The following TSNARE1 variants were observed in gnomAD, a reference collection of about 807,000 sequenced individuals.
The protein encoded by TSNARE1 is t-SNARE domain-containing protein 1.
In TSNARE1, 49 loss-of-function variants were observed where a neutral mutation model predicts 62.0. That is an observed-to-expected ratio of 0.79 (90% CI 0.63 to 1.00). TSNARE1 has a LOEUF of 1.00. TSNARE1 is among the 50% of genes least tolerant of loss of function. The pLI is 0.00. For synonymous variants in TSNARE1, 328 were observed against 294.4 expected (o/e 1.11, Z -1.17); for missense variants, 755 against 700.1 (o/e 1.08, Z -0.88).
intron 6 of TSNARE1, among the ~76,000 whole-genome samples, chr8:142,321,773 T>C (rs2131788209): frequency 6.6e-6 from 1 of 152,218 alleles, no homozygotes; most frequent in East Asian, 1.9e-4. Context: ...ATAGAAAACC[T>C]AAATAGCTCT....
At chr8:142,344,528 C>T (rs1833091594) in intron 3 of TSNARE1, 56 bp from the exon 4 acceptor site, 3 of 1,427,898 alleles carry the variant, frequency 2.1e-6, no homozygotes, top group Non-Finnish European at 1.8e-6. Context: ...GAGGCAGCGG[C>T]CCCGGCGGCA....
chr8:142,338,834 G>T (rs898575372), intron 4 of TSNARE1, among the ~76,000 whole-genome samples: 6 of 152,212 alleles, frequency 3.9e-5, no homozygotes, highest in Non-Finnish European at 8.8e-5. Context: ...CATGGTGTGT[G>T]CCCGAGTCCA....
chr8:142,297,743 G>A (rs142834937), intron 10 of TSNARE1, among the ~76,000 whole-genome samples: 274 of 152,366 alleles, frequency 1.8e-3, no homozygotes, highest in African/African-American at 5.8e-3. Context: ...CATGCGTCAC[G>A]CTGGAGTTAC....
chr8:142,340,593 G>C (rs1832446765), intron 4 of TSNARE1, among the ~76,000 whole-genome samples: 1 of 151,852 alleles, frequency 6.6e-6, no homozygotes, highest in African/African-American at 2.4e-5. Flanking sequence ...ACTTTGATGT[G>C]TGACTATTAT....
chr8:142,265,424 C>T (rs981915167), intron 12 of TSNARE1, among the ~76,000 whole-genome samples: 4 of 152,130 alleles, frequency 2.6e-5, no homozygotes, highest in African/African-American at 4.8e-5. Flanking sequence ...CTGGCATTTC[C>T]GAGTGGGCTC....
intron 11 of TSNARE1, among the ~76,000 whole-genome samples, chr8:142,283,883 G>A (rs1300872645): frequency 7.0e-6 from 1 of 142,694 alleles, no homozygotes; most frequent in African/African-American, 2.5e-5. Context: ...CAGGGACAGT[G>A]TCAATGAACA....
chr8:142,271,771 G>A (rs559964639), intron 12 of TSNARE1: 35 of 1,057,818 alleles, frequency 3.3e-5, no homozygotes, highest in Non-Finnish European at 4.1e-5. Context: ...TGCAGGGAGA[G>A]TGCCCATGTG....
At chr8:142,394,270 C>G (rs913641334) in intron 1 of TSNARE1, among the ~76,000 whole-genome samples, 8 of 152,214 alleles carry the variant, frequency 5.3e-5, no homozygotes, top group African/African-American at 1.9e-4. Context: ...ATCGGACCAC[C>G]CTGCCAGACT....
chr8:142,366,288 G>A (rs556660583), intron 1 of TSNARE1, among the ~76,000 whole-genome samples: 4 of 152,030 alleles, frequency 2.6e-5, no homozygotes, highest in South Asian at 4.2e-4. Flanking sequence ...TGCCTGTCTC[G>A]GCCTCCCAAT....
intron 13 of TSNARE1, among the ~76,000 whole-genome samples, chr8:142,218,827 C>G (rs1450270199): frequency 6.6e-6 from 1 of 152,192 alleles, no homozygotes; most frequent in East Asian, 1.9e-4. Flanking sequence ...CTGACACTTT[C>G]CAAATAGCTT....
chr8:142,270,546 C>G, intron 12 of TSNARE1: 2 of 984,220 alleles, frequency 2.0e-6, no homozygotes, highest in Non-Finnish European at 2.4e-6. Context: ...TTATTCCAGG[C>G]ATATGGGATG....
chr8:142,397,810 G>A (rs1247153919), intron 1 of TSNARE1, among the ~76,000 whole-genome samples: 3 of 152,110 alleles, frequency 2.0e-5, no homozygotes, highest in Admixed American at 6.5e-5. Context: ...TCCATCGAGG[G>A]GGCCCACAGC....
chr8:142,222,548 T>TCACTCATCCACTCACTCACTCACTCATC lies in TSNARE1; in HGVS notation c.*11+6924_*11+6925insGATGAGTGAGTGAGTGAGTGGATGAGTG, dbSNP rs1816392423. On this transcript the variant is annotated intron_variant, in intron 13 of 13. Coordinates refer to ENST00000524325, the MANE Select transcript of TSNARE1 (RefSeq NM_145003.5). Reference sequence around the variant, plus strand: ...TCCACTCACTCACTCACTCATTCACTCACTCACTCACTCATTCACTCACTC... The same window carrying TCACTCATCCACTCACTCACTCACTCATC: ...TCCACTCACTCACTCACTCATTCACTCACTCATCCACTCACTCACTCACTCATCCACTCACTCACTCATTCACTCACTC... 2.6e-5 allele frequency among the ~76,000 whole-genome samples: 3 copies of TCACTCATCCACTCACTCACTCACTCATC among 114,038 alleles called. 1 individual carries two copies. Among genetic ancestry groups the TCACTCATCCACTCACTCACTCACTCATC allele is most frequent in the African/African-American group, 1.0e-4 (3 of 28,732 alleles). The allele number at this position is 114,038 out of a possible 152,430, so 74.8% of individuals were successfully genotyped here. A position where few individuals can be genotyped will look rare whatever the true frequency, so the allele number is the denominator to read the frequency against.
At chr8:142,340,164 G>A (rs62513779) in intron 4 of TSNARE1, among the ~76,000 whole-genome samples, 2,374 of 152,320 alleles carry the variant, frequency 0.016, 33 homozygotes, top group Non-Finnish European at 0.024. Context: ...TCAGGCCTTG[G>A]AAGATGGAGA....
intron 1 of TSNARE1, among the ~76,000 whole-genome samples, chr8:142,382,008 C>A (rs140808275): frequency 2.0e-5 from 3 of 152,196 alleles, no homozygotes; most frequent in Non-Finnish European, 2.9e-5. Flanking sequence ...TGACACCCCC[C>A]CTACACACAG....
At chr8:142,274,622 T>C (rs2130599035) in intron 12 of TSNARE1, 159 bp downstream of exon 12, 3 of 985,414 alleles carry the variant, frequency 3.0e-6, no homozygotes, top group Non-Finnish European at 3.6e-6. Flanking sequence ...CCCAGAGCCC[T>C]AGGGCACGGG....
At chr8:142,403,799 C>T (rs1838481937), upstream of TSNARE1, 1 of 152,242 alleles carries the variant, frequency 6.6e-6, no homozygotes, top group Admixed American at 6.5e-5. Flanking sequence ...TAGGGAGCCC[C>T]TTGCGGAGAC....
intron 2 of TSNARE1, among the ~76,000 whole-genome samples, chr8:142,350,276 A>G (rs1162469088): frequency 6.6e-6 from 1 of 152,236 alleles, no homozygotes; most frequent in African/African-American, 2.4e-5. Flanking sequence ...CTTAACCATT[A>G]CATGAGGGTG....
chr8:142,283,155 A>G (rs1303769388), intron 11 of TSNARE1, among the ~76,000 whole-genome samples: 18 of 145,156 alleles, frequency 1.2e-4, no homozygotes, highest in African/African-American at 2.3e-4. Flanking sequence ...GTCAATGAGC[A>G]GAGGTGGGGC....
Sources: allele counts gnomAD v4.1 joint callset (sites outside exome capture counted in the v4.1 genomes callset), GRCh38; gene constraint gnomAD v4.1.1; transcripts MANE v1.5; gene names NCBI Gene and HGNC (gene_info 2026-07-23, HGNC 2026-07-21).